RAD51D: variants seen among roughly 807,000 people sequenced by gnomAD.
RAD51D encodes DNA repair protein RAD51 homolog 4.
In RAD51D, 38 loss-of-function variants were observed where a neutral mutation model predicts 44.1. The observed-to-expected ratio is 0.86, with a 90% confidence interval of 0.67 to 1.13. RAD51D has a LOEUF of 1.13. RAD51D is among the 50% of genes most tolerant of loss of function. The pLI, the probability that RAD51D is intolerant of heterozygous loss-of-function variation, is 0.00. For missense variants in RAD51D, 390 were observed against 414.0 expected (o/e 0.94, Z 0.50); for synonymous variants, 141 against 166.6 (o/e 0.85, Z 1.18).
chr17:35,119,583 C>G lies in RAD51D; in HGVS notation c.31G>C (p.Gly11Arg), dbSNP rs776471760. 6.2e-7 allele frequency: 1 copy of G among 1,612,580 alleles called. No individual in the cohort carries two copies. Among genetic ancestry groups the G allele is most frequent in the Non-Finnish European group, 8.5e-7 (1 of 1,179,942 alleles). The change falls in exon 1 of 10, where the codon GGC becomes CGC. Residue 11 changes from glycine (G) to arginine (R), a missense_variant. Transcript: ENST00000345365. ...AGCTGGATCATCTCCTCGGTAAGGC[C>G]AGGGCACAGTCCGACCCTGAGCACG... MGVLRVGLCP[G>R]LTEEMIQLLR...
rs1158356595 is a variant in RAD51D, at chr17:35,113,720, C to T, written c.263+4781G>A. Among the ~76,000 whole-genome samples, 3 of 152,214 alleles carry T rather than the reference C, an allele frequency of 2.0e-5. No individual in the cohort carries two copies. In the East Asian group the frequency reaches 5.8e-4, roughly 29 times the overall value. Reference sequence around the variant, plus strand: ...AATAAGTATCCAGCCTCTACCACTCCTGATTCCATTCTTCCCATTGAGATC... The same window carrying T: ...AATAAGTATCCAGCCTCTACCACTCTTGATTCCATTCTTCCCATTGAGATC... On this transcript the variant is annotated intron_variant, in intron 3 of 9. Transcript: ENST00000345365.
In RAD51D at chr17:35,099,777, A is replaced by T. The variant is rs1316746588; in HGVS notation, c.*1176T>A. ...CCTTCCTTTAAAAGATGTGGCCAGT[A>T]ACCAATCCTGATCATTTCTGTACTT... On this transcript the variant is annotated 3_prime_UTR_variant, in exon 10 of 10. Coordinates refer to ENST00000345365, the MANE Select transcript of RAD51D (RefSeq NM_002878.4). 2.2e-6 allele frequency: 1 copy of T among 446,428 alleles called. No individual in the cohort carries two copies. The highest frequency in any genetic ancestry group is 4.4e-6 in the Non-Finnish European group (1 of 226,002). The allele number at this position is 446,428 out of a possible 1,614,324, so 27.7% of individuals were successfully genotyped here.
At position 35,119,001 on chromosome 17, in the gene RAD51D, C is replaced by T. The variant is rs1233254842; in HGVS notation, c.144+110G>A. On this transcript the variant is annotated intron_variant, in intron 2 of 9. Coordinates refer to ENST00000345365, the MANE Select transcript of RAD51D (RefSeq NM_002878.4). ...CTGACTCCAAGTGACCCACCCGCCT[C>T]GGCCTCCCAAAGTGCTGGGATTACA... 9.7e-6 allele frequency: 10 copies of T among 1,028,924 alleles called. 1 individual carries two copies. Among genetic ancestry groups the T allele is most frequent in the East Asian group, 2.4e-5 (1 of 41,382 alleles). The allele number at this position is 1,028,924 out of a possible 1,614,324, so 63.7% of individuals were successfully genotyped here.
intron 3 of RAD51D, among the ~76,000 whole-genome samples, chr17:35,107,967 C>T (rs906008722): frequency 6.6e-6 from 1 of 151,744 alleles, no homozygotes; most frequent in African/African-American, 2.4e-5. Flanking sequence ...CCAGCCTGGT[C>T]TCAAACTCCT....
rs530329593 is a variant in RAD51D, at chr17:35,112,848, G to A, written c.264-5401C>T. On this transcript the variant is annotated intron_variant, in intron 3 of 9. Transcript: ENST00000345365. Reference sequence around the variant, plus strand: ...TGCTCATCTAGCTGAGAGCACCATGGGGCAAGGACTGGGTCCGATCCCTGT... The same window carrying A: ...TGCTCATCTAGCTGAGAGCACCATGAGGCAAGGACTGGGTCCGATCCCTGT... Among the ~76,000 whole-genome samples the A allele has an allele frequency of 3.9e-5, 6 of 152,288 alleles. No homozygotes were observed. The South Asian group carries it at 8.3e-4, about 21-fold the overall frequency.
At chr17:35,112,433 A>T (rs1339490054) in intron 3 of RAD51D, among the ~76,000 whole-genome samples, 1 of 152,116 alleles carries the variant, frequency 6.6e-6, no homozygotes, top group African/African-American at 2.4e-5. Context: ...GTTGAAGTGC[A>T]GTGGCACAAT....
intron 8 of RAD51D, among the ~76,000 whole-genome samples, chr17:35,102,746 A>G (rs28363287): frequency 0.071 from 10,757 of 152,276 alleles, 527 homozygotes; most frequent in South Asian, 0.12. Context: ...GTGGAGATTG[A>G]TGACAAATTT....
At chr17:35,107,621 G>A (rs2142438288) in intron 3 of RAD51D, among the ~76,000 whole-genome samples, 174 bp from the exon 4 acceptor site, 1 of 151,800 alleles carries the variant, frequency 6.6e-6, no homozygotes. Context: ...GCCCAAATGT[G>A]CCTTCTCTGG....
At position 35,100,992 on chromosome 17, in the gene RAD51D, G is replaced by A. The variant is rs1195107125; in HGVS notation, c.948C>T (p.Thr316=). ...CCTGTAATGTGGCACTCTGCTCTGA[G>A]GTCCCCCAGGTCCCAATGTCTACCA... The part of the protein sequence containing the change: ...QEMVDIGTWG[T]SEQSATLQGD... The change falls in exon 10 of 10, where the codon ACC becomes ACT. Residue 316 remains threonine (T), a synonymous_variant. Coordinates refer to ENST00000345365, the MANE Select transcript of RAD51D (RefSeq NM_002878.4). The A allele has an allele frequency of 6.2e-7, 1 of 1,613,750 alleles. No individual in the cohort carries two copies. The highest frequency in any genetic ancestry group is 8.5e-7 in the Non-Finnish European group (1 of 1,179,680).
chr17:35,114,934 A>C (rs2091719134), intron 3 of RAD51D, among the ~76,000 whole-genome samples: 1 of 151,670 alleles, frequency 6.6e-6, no homozygotes. Context: ...GCTGGGGTTG[A>C]AGCACTGGTG....
chr17:35,093,198 G>C lies in RAD51D; in HGVS notation c.*7755C>G, dbSNP rs995136630. 3 of 151,996 alleles carry C rather than the reference G, an allele frequency of 2.0e-5. No individual in the cohort carries two copies. Among genetic ancestry groups the C allele is most frequent in the African/African-American group, 7.3e-5 (3 of 41,378 alleles). The allele number at this position is 151,996 out of a possible 1,614,324, so 9.4% of individuals were successfully genotyped here. A position where few individuals can be genotyped will look rare whatever the true frequency, so the allele number is the denominator to read the frequency against. On this transcript the variant is annotated 3_prime_UTR_variant, in exon 10 of 10. Transcript: ENST00000345365. ...ATTCAGTGTTTTACATAAGTTACAT[G>C]ATCCTAAAACAACTCTATGAAACAG... is the stretch of plus-strand genomic sequence containing the variant.
At chr17:35,107,291 C>A in intron 4 of RAD51D, 75 bp downstream of exon 4, 13 of 1,465,740 alleles carry the variant, frequency 8.9e-6, no homozygotes, top group Non-Finnish European at 1.2e-5. Context: ...TACGCTGAAG[C>A]TCCCCCAGGG....
Position 35,106,374 on chromosome 17 carries a change from C to T in RAD51D, c.576+12G>A, listed in dbSNP as rs757751100. ...CTGAATTAAGCAAGGAGGGGCAGAA[C>T]AGCAGGCTCACCTGCTGGGCCACAG... is the stretch of plus-strand genomic sequence containing the variant. On this transcript the variant is annotated intron_variant, in intron 6 of 9. Transcript: ENST00000345365. 9.3e-6 allele frequency: 15 copies of T among 1,611,376 alleles called. No homozygotes were observed. The highest frequency in any genetic ancestry group is 1.1e-5 in the South Asian group (1 of 90,674).
Position 35,100,384 on chromosome 17 carries a change from G to A in RAD51D, c.*569C>T, listed in dbSNP as rs759842518. The stretch of plus-strand genomic sequence containing the variant: ...GGGAAATCAGGTGGCTCTAGGGCTC[G>A]GGGAATTGCCTTTTTATATTTTTAA... On this transcript the variant is annotated 3_prime_UTR_variant, in exon 10 of 10. Coordinates refer to ENST00000345365, the MANE Select transcript of RAD51D (RefSeq NM_002878.4). 34 of 533,966 alleles carry A rather than the reference G, an allele frequency of 6.4e-5. No homozygotes were observed. The highest frequency in any genetic ancestry group is 2.0e-4 in the South Asian group (13 of 65,172). 33.1% of individuals were successfully genotyped at this position (533,966 alleles called of 1,614,324 possible).
In RAD51D at chr17:35,107,410, C is replaced by G. The variant is rs1060502951; in HGVS notation, c.301G>C (p.Glu101Gln). 9 of 1,565,346 alleles carry G rather than the reference C, an allele frequency of 5.7e-6. No individual in the cohort carries two copies. In the African/African-American group the frequency reaches 1.1e-4, roughly 19 times the overall value. Residue 101 changes from glutamate (E) to glutamine (Q), a missense_variant, in exon 4 of 10, where the codon GAA (glutamate) becomes CAA (glutamine). Coordinates refer to ENST00000345365, the MANE Select transcript of RAD51D (RefSeq NM_002878.4). ...GGGCCTCCTACAATTTCAGTCACTT[C>G]TCCAGTATAGAGACCAGCATCAAGC... ...KLLDAGLYTG[E>Q]VTEIVGGPGS... is the part of the protein sequence containing the mutation.
Position 35,110,069 on chromosome 17 carries a change from AG to A in RAD51D, c.264-2623del, listed in dbSNP as rs563798424. On this transcript the variant is annotated intron_variant, in intron 3 of 9. Transcript: ENST00000345365. ...ACTGCAATCTTGACCTCCCAGGCTG[AG>A]GTGATCCTCCCACATCAGCTCCCCC... Among the ~76,000 whole-genome samples, 553 of 150,000 alleles carry A rather than the reference AG, an allele frequency of 3.7e-3. 4 individuals carry two copies. The highest frequency in any genetic ancestry group is 0.012 in the African/African-American group (500 of 40,570).
At chr17:35,112,035 C>A (rs2091683931) in intron 3 of RAD51D, among the ~76,000 whole-genome samples, 1 of 152,200 alleles carries the variant, frequency 6.6e-6, no homozygotes, top group Non-Finnish European at 1.5e-5. Context: ...TATTTCATTT[C>A]TCTGAAACAA....
rs551534190 is a variant in RAD51D, at chr17:35,103,131, G to C, written c.738+123C>G. The C allele has an allele frequency of 1.2e-4, 103 of 875,554 alleles. No homozygotes were observed. Among genetic ancestry groups the C allele is most frequent in the Non-Finnish European group, 1.7e-4 (89 of 531,972 alleles). The allele number at this position is 875,554 out of a possible 1,614,324, so 54.2% of individuals were successfully genotyped here. On this transcript the variant is annotated intron_variant, in intron 8 of 9. Transcript: ENST00000345365. The surrounding 1 kb of genome is among the most constrained non-coding windows in gnomAD (Gnocchi z 4.1). Reference sequence around the variant, plus strand: ...ATGGTGCAAAGCTGTAGCTGACCCAGGGAAGCTGGGATATGTCCCTTTCCT... The same window carrying C: ...ATGGTGCAAAGCTGTAGCTGACCCACGGAAGCTGGGATATGTCCCTTTCCT...
At position 35,092,883 on chromosome 17, in the gene RAD51D, C is replaced by G. The variant is rs1337216478; in HGVS notation, c.*8070G>C. The G allele has an allele frequency of 1.3e-5, 2 of 152,130 alleles. No individual in the cohort carries two copies. The highest frequency in any genetic ancestry group is 4.8e-5 in the African/African-American group (2 of 41,398). The allele number at this position is 152,130 out of a possible 1,614,324, so 9.4% of individuals were successfully genotyped here. A position where few individuals can be genotyped will look rare whatever the true frequency, so the allele number is the denominator to read the frequency against. On this transcript the variant is annotated 3_prime_UTR_variant, in exon 10 of 10. Transcript: ENST00000345365. ...GAAGGATGTTTCCCAAAGAGAAGGG[C>G]CAGTACTAGTGCTGGATCCATTCCT...
Sources: allele counts gnomAD v4.1 joint callset (sites outside exome capture counted in the v4.1 genomes callset), GRCh38; gene constraint gnomAD v4.1.1; non-coding constraint Gnocchi (gnomAD v3.1); transcripts MANE v1.5; gene names NCBI Gene and HGNC (gene_info 2026-07-23, HGNC 2026-07-21).